The following ZNF804B variants were observed in gnomAD, a reference collection of about 807,000 sequenced individuals.
The protein encoded by ZNF804B is zinc finger protein 804B.
Under a neutral mutation model 101.4 loss-of-function variants are expected in ZNF804B, and 80 were observed. That is an observed-to-expected ratio of 0.79 (90% CI 0.66 to 0.95). ZNF804B has a LOEUF of 0.95. Among genes scored for constraint, ZNF804B ranks in the 40% least tolerant of loss-of-function variants. The pLI is 0.00. For synonymous variants in ZNF804B, 622 were observed against 558.8 expected (o/e 1.11, Z -1.59); for missense variants, 1,673 against 1,561.9 (o/e 1.07, Z -1.20).
chr7:88,801,496 T>C (rs1419197851), intron 1 of ZNF804B, among the ~76,000 whole-genome samples: 2 of 152,062 alleles, frequency 1.3e-5, no homozygotes, highest in African/African-American at 4.8e-5. Context: ...CCAGAGCCCT[T>C]TTAAGAACTC....
intron 2 of ZNF804B, among the ~76,000 whole-genome samples, chr7:89,284,842 A>G (rs1054743649): frequency 6.6e-6 from 1 of 152,110 alleles, no homozygotes; most frequent in African/African-American, 2.4e-5. Context: ...AAAAATCAAG[A>G]TATCAGGACA....
intron 1 of ZNF804B, among the ~76,000 whole-genome samples, chr7:89,138,105 A>T (rs1398555310): frequency 1.3e-5 from 2 of 152,146 alleles, no homozygotes; most frequent in African/African-American, 4.8e-5. Context: ...CAGAGGATGT[A>T]TGGAAACACC....
intron 1 of ZNF804B, among the ~76,000 whole-genome samples, chr7:88,910,121 T>C (rs1792526999): frequency 6.6e-6 from 1 of 151,928 alleles, no homozygotes; most frequent in Admixed American, 6.6e-5. Flanking sequence ...AATAGGTACA[T>C]ACAGGTAAAC....
chr7:89,156,347 T>C (rs992136025), intron 1 of ZNF804B, among the ~76,000 whole-genome samples: 7 of 152,154 alleles, frequency 4.6e-5, no homozygotes, highest in African/African-American at 1.7e-4. Context: ...ACTCCCGACC[T>C]CTGGTGATCC....
intron 1 of ZNF804B, among the ~76,000 whole-genome samples, chr7:88,889,407 A>G (rs1179705680): frequency 6.6e-6 from 1 of 152,150 alleles, no homozygotes; most frequent in Non-Finnish European, 1.5e-5. Context: ...CCAACAGTAG[A>G]TAAGCATTCC....
intron 1 of ZNF804B, among the ~76,000 whole-genome samples, chr7:89,060,788 A>G (rs1789368640): frequency 6.6e-6 from 1 of 152,180 alleles, no homozygotes; most frequent in Non-Finnish European, 1.5e-5. Flanking sequence ...AGTTAACACA[A>G]TGTTGACTTC....
intron 1 of ZNF804B, among the ~76,000 whole-genome samples, chr7:89,204,702 T>C (rs573278952): frequency 6.6e-6 from 1 of 152,350 alleles, no homozygotes; most frequent in South Asian, 2.1e-4. Flanking sequence ...ATGGATTTGA[T>C]TATTCTTATA....
intron 1 of ZNF804B, among the ~76,000 whole-genome samples, chr7:88,884,452 A>G (rs1583996657): frequency 6.6e-6 from 1 of 151,642 alleles, no homozygotes; most frequent in Non-Finnish European, 1.5e-5. Context: ...ATCTGTATCT[A>G]TCTATCTTCT....
chr7:89,124,647 G>T (rs748706371), intron 1 of ZNF804B, among the ~76,000 whole-genome samples: 49 of 152,086 alleles, frequency 3.2e-4, no homozygotes, highest in Non-Finnish European at 8.8e-5. Flanking sequence ...ATAGAGAAGC[G>T]CTATCACCCT....
At chr7:88,981,198 G>A (rs1793689337) in intron 1 of ZNF804B, among the ~76,000 whole-genome samples, 2 of 152,044 alleles carry the variant, frequency 1.3e-5, no homozygotes, top group Non-Finnish European at 2.9e-5. Flanking sequence ...CAAGGCCCAG[G>A]GGCTCTTGGT....
At chr7:88,860,798 A>G (rs1369092175) in intron 1 of ZNF804B, among the ~76,000 whole-genome samples, 1 of 152,212 alleles carries the variant, frequency 6.6e-6, no homozygotes, top group African/African-American at 2.4e-5. Flanking sequence ...TAATTTGTTT[A>G]AAGCAGTGTA....
intron 1 of ZNF804B, among the ~76,000 whole-genome samples, chr7:89,010,549 T>C (rs1788440198): frequency 6.6e-6 from 1 of 152,186 alleles, no homozygotes; most frequent in Admixed American, 6.6e-5. Context: ...CCATACTAAC[T>C]GGGTAACAAC....
chr7:89,016,699 G>C (rs543879433), intron 1 of ZNF804B, among the ~76,000 whole-genome samples: 45 of 152,098 alleles, frequency 3.0e-4, no homozygotes, highest in East Asian at 2.1e-3. Context: ...TGATTTATAT[G>C]TCTGTTTTGG....
At chr7:89,018,386 C>G (rs1035300477) in intron 1 of ZNF804B, among the ~76,000 whole-genome samples, 1 of 151,948 alleles carries the variant, frequency 6.6e-6, no homozygotes, top group Non-Finnish European at 1.5e-5. Context: ...TTTGTGATCT[C>G]TTTGACATGT....
intron 2 of ZNF804B, among the ~76,000 whole-genome samples, chr7:89,219,989 G>GCA (rs1788965359): frequency 1.5e-5 from 2 of 137,870 alleles, no homozygotes; most frequent in African/African-American, 5.7e-5. Context: ...ACATATGTGT[G>GCA]CATATATGTA....
chr7:89,222,858 T>G (rs1420224001), intron 2 of ZNF804B, among the ~76,000 whole-genome samples: 3 of 151,920 alleles, frequency 2.0e-5, no homozygotes. Flanking sequence ...GCTTCCCACT[T>G]TAAAAAACAT....
intron 2 of ZNF804B, among the ~76,000 whole-genome samples, chr7:89,295,835 A>C (rs1333473572): frequency 6.6e-6 from 1 of 152,136 alleles, no homozygotes. Flanking sequence ...AAAAGGAACA[A>C]AACAATGTAT....
chr7:89,229,286 C>T (rs936467809), intron 2 of ZNF804B, among the ~76,000 whole-genome samples: 3 of 152,188 alleles, frequency 2.0e-5, no homozygotes, highest in Admixed American at 6.5e-5. Flanking sequence ...ACGCTGTCAC[C>T]TCTCAATAGT....
chr7:89,033,058 T>A (rs1788863970), intron 1 of ZNF804B, among the ~76,000 whole-genome samples: 1 of 150,950 alleles, frequency 6.6e-6, no homozygotes, highest in African/African-American at 2.4e-5. Context: ...AAAAACCGTA[T>A]CCCTCCTGTC....
Sources: allele counts gnomAD v4.1 joint callset (sites outside exome capture counted in the v4.1 genomes callset), GRCh38; gene constraint gnomAD v4.1.1; transcripts MANE v1.5; gene names NCBI Gene and HGNC (gene_info 2026-07-23, HGNC 2026-07-21).